The following PTPRC variants were observed in gnomAD, a reference collection of about 807,000 sequenced individuals.
PTPRC encodes protein tyrosine phosphatase receptor type C.
A neutral mutation model predicts 155.9 loss-of-function variants in PTPRC; 44 were observed. That is an observed-to-expected ratio of 0.28 (90% confidence interval 0.22 to 0.36). The LOEUF is 0.36. Ranked by LOEUF, PTPRC falls within the 10% of genes least tolerant of loss-of-function variation. The probability of loss-of-function intolerance (pLI) is 1.00; values close to 1 mark genes in which losing one functional copy is unlikely to be tolerated. For missense variants in PTPRC, 1,401 were observed against 1,564.6 expected (o/e 0.90, Z 1.76); for synonymous variants, 525 against 533.1 (o/e 0.98, Z 0.21).
In PTPRC at chr1:198,754,410, T is replaced by C. The variant is rs370655829; in HGVS notation, c.3645+6T>C. On this transcript the variant is annotated splice_donor_region_variant and intron_variant, in intron 32 of 32. Coordinates refer to ENST00000442510, the MANE Select transcript of PTPRC (RefSeq NM_002838.5). ...CAGGCATGGTTTCCACATTCGTAAG[T>C]ATCCTTCACCATTGCTTTTAACATG... The C allele has an allele frequency of 6.8e-6, 11 of 1,613,398 alleles. No individual in the cohort carries two copies. Among genetic ancestry groups the C allele is most frequent in the Non-Finnish European group, 9.3e-6 (11 of 1,179,640 alleles).
intron 2 of PTPRC, among the ~76,000 whole-genome samples, chr1:198,659,117 A>G (rs1663784295): frequency 6.6e-6 from 1 of 152,128 alleles, no homozygotes; most frequent in African/African-American, 2.4e-5. Flanking sequence ...ATAAGAGAAT[A>G]TACTTTTTTT....
Position 198,666,010 on chromosome 1 carries a change from G to A in PTPRC, c.74-26337G>A, listed in dbSNP as rs192945332. Among the ~76,000 whole-genome samples, 4 of 152,074 alleles carry A rather than the reference G, an allele frequency of 2.6e-5. 1 individual carries two copies. The highest frequency in any genetic ancestry group is 4.1e-4 in the South Asian group (2 of 4,820). On this transcript the variant is annotated intron_variant, in intron 2 of 32. Transcript: ENST00000442510. ...GACATAGGCACTTTGAGAGGCCAAGGGGGGAGAATCACTTGAGCCTAAGAG... is the reference window on the plus strand; with the variant it reads ...GACATAGGCACTTTGAGAGGCCAAGAGGGGAGAATCACTTGAGCCTAAGAG...
chr1:198,694,618 A>G, intron 3 of PTPRC: 1 of 985,850 alleles, frequency 1.0e-6, no homozygotes, highest in Middle Eastern at 5.2e-4. Context: ...CAGACACCAG[A>G]ATTGGTTTAA....
intron 5 of PTPRC, among the ~76,000 whole-genome samples, chr1:198,702,045 C>T (rs1163385147): frequency 6.6e-6 from 1 of 152,244 alleles, no homozygotes; most frequent in Admixed American, 6.5e-5. Context: ...ACTAAGACAG[C>T]ACCAGTCTCT....
chr1:198,746,234 C>A, intron 26 of PTPRC, among the ~76,000 whole-genome samples: 1 of 151,662 alleles, frequency 6.6e-6, no homozygotes, highest in East Asian at 2.0e-4. Context: ...CCAGTGAAGC[C>A]GGTGGATAGA....
chr1:198,679,538 G>C (rs1444953439), intron 2 of PTPRC: 1 of 164,872 alleles, frequency 6.1e-6, no homozygotes, highest in African/African-American at 2.4e-5. Context: ...AAAGTGCTGG[G>C]ATTACAGGAG....
At chr1:198,699,524 G>C in intron 4 of PTPRC, 40 bp from the exon 5 acceptor site, 7 of 1,612,948 alleles carry the variant, frequency 4.3e-6, no homozygotes, top group East Asian at 4.5e-5. Context: ...CATCTCCAGT[G>C]GGGGAAGACT....
At chr1:198,694,606 G>C in intron 3 of PTPRC, 2 of 986,032 alleles carry the variant, frequency 2.0e-6, no homozygotes, top group Non-Finnish European at 2.4e-6. Context: ...ATTGGAAGCA[G>C]GCAGACACCA....
At chr1:198,650,843 G>C (rs1230560936) in intron 2 of PTPRC, among the ~76,000 whole-genome samples, 1 of 151,700 alleles carries the variant, frequency 6.6e-6, no homozygotes, top group East Asian at 1.9e-4. Flanking sequence ...AGTGAGAAGA[G>C]GTAGCCAGTG....
Position 198,735,251 on chromosome 1 carries a change from A to G in PTPRC, c.2402A>G (p.Asn801Ser). 6.3e-7 allele frequency: 1 copy of G among 1,598,048 alleles called. No individual in the cohort carries two copies. The highest frequency in any genetic ancestry group is 8.5e-7 in the Non-Finnish European group (1 of 1,170,758). Residue 801 changes from asparagine to serine, a missense_variant and splice_region_variant, in exon 23 of 33, where the codon AAT (asparagine) becomes AGT (serine). This residue lies in a region of PTPRC where 867 missense variants were observed against 970.4 expected (regional missense o/e 0.89). Coordinates refer to ENST00000442510, the MANE Select transcript of PTPRC (RefSeq NM_002838.5). ...ATCATTCAGAAATTGAACATTGTAAATGTGAGTTTGCTTTTTACATAATTT... is the reference window on the plus strand; with the variant it reads ...ATCATTCAGAAATTGAACATTGTAAGTGTGAGTTTGCTTTTTACATAATTT... The part of the protein sequence containing the change: ...DYIIQKLNIV[N>S]KKEKATGREV...
In PTPRC at chr1:198,728,370, C is replaced by T. The variant is rs1191758134; in HGVS notation, c.1751C>T (p.Ala584Val). Residue 584 changes from alanine to valine, a missense_variant, in exon 16 of 33, where the codon GCA (alanine) becomes GTA (valine). Transcript: ENST00000442510. Reference protein sequence around the residue: ...YNSKALIAFLAFLIIVTSIAL... With the variant: ...YNSKALIAFLVFLIIVTSIAL... ...TCTAAGGCACTGATAGCATTTCTGG[C>T]ATTTCTGATTATTGTGACATCAATA... is the stretch of plus-strand genomic sequence containing the variant. 1.9e-6 allele frequency: 3 copies of T among 1,612,794 alleles called. No individual in the cohort carries two copies. The highest frequency in any genetic ancestry group is 2.5e-6 in the Non-Finnish European group (3 of 1,179,500).
intron 3 of PTPRC, among the ~76,000 whole-genome samples, chr1:198,693,542 T>G (rs925500389): frequency 6.6e-6 from 1 of 151,878 alleles, no homozygotes; most frequent in Admixed American, 6.6e-5. Flanking sequence ...ATTGAGGGAG[T>G]TTCTGTTATC....
chr1:198,750,663 G>A, intron 29 of PTPRC, 37 bp downstream of exon 29: 3 of 1,602,352 alleles, frequency 1.9e-6, no homozygotes, highest in Non-Finnish European at 2.6e-6. Context: ...AAGCCTTTCT[G>A]TCATAAAACG....
At chr1:198,745,931 A>C (rs1655116688) in intron 26 of PTPRC, among the ~76,000 whole-genome samples, 1 of 151,778 alleles carries the variant, frequency 6.6e-6, no homozygotes. Context: ...TAGGAATAAT[A>C]GGGGTAATTT....
At chr1:198,725,182 C>T (rs912226974) in intron 15 of PTPRC, among the ~76,000 whole-genome samples, 16 of 152,126 alleles carry the variant, frequency 1.1e-4, no homozygotes, top group Non-Finnish European at 2.4e-4. Context: ...ATTCTTTGCT[C>T]CATTTTCTTC....
At chr1:198,679,233 C>CT (rs1245277728) in intron 2 of PTPRC, 8,780 of 135,222 alleles carry the variant, frequency 0.065, 833 homozygotes, top group African/African-American at 0.2. Context: ...CGAGCTCGTA[C>CT]TTTTTTTTTT....
At position 198,754,318 on chromosome 1, in the gene PTPRC, G is replaced by C. The variant is rs751348881; in HGVS notation, c.3559G>C (p.Glu1187Gln). Reference sequence around the variant, plus strand: ...ATTTTGTGCTTTGTTAAATCTCTTAGAAAGTGCGGAAACAGAAGAGGTAGT... The same window carrying C: ...ATTTTGTGCTTTGTTAAATCTCTTACAAAGTGCGGAAACAGAAGAGGTAGT... ...GIFCALLNLL[E>Q]SAETEEVVDI... Residue 1187 changes from glutamate to glutamine, a missense_variant, in exon 32 of 33, where the codon GAA becomes CAA. Transcript: ENST00000442510. The C allele has an allele frequency of 1.9e-6, 3 of 1,612,038 alleles. No individual in the cohort carries two copies. The highest frequency in any genetic ancestry group is 1.7e-6 in the Non-Finnish European group (2 of 1,178,488).
intron 8 of PTPRC, among the ~76,000 whole-genome samples, chr1:198,705,595 A>G (rs1257338899): frequency 2.0e-5 from 3 of 151,386 alleles, no homozygotes; most frequent in Non-Finnish European, 4.4e-5. Context: ...TGATTTTTGT[A>G]TTTTTAGTAG....
intron 2 of PTPRC, among the ~76,000 whole-genome samples, chr1:198,667,725 C>A (rs1466176172): frequency 6.6e-6 from 1 of 152,198 alleles, no homozygotes; most frequent in Admixed American, 6.5e-5. Flanking sequence ...GACATCTACA[C>A]ATATACAAAC....
Sources: gnomAD v4.1 joint callset for allele counts (sites outside exome capture counted in the v4.1 genomes callset) on GRCh38, gnomAD v4.1.1 for gene constraint, gnomAD v4.1.1 regional missense constraint, MANE v1.5 for transcripts, NCBI Gene and HGNC (gene_info 2026-07-23, HGNC 2026-07-21) for gene names.